DHRS12: variants seen among roughly 807,000 people sequenced by gnomAD.
DHRS12 encodes dehydrogenase/reductase 12.
Under a neutral mutation model 32.1 loss-of-function variants are expected in DHRS12, and 29 were observed. The observed-to-expected ratio is 0.90, with a 90% confidence interval of 0.67 to 1.23. The LOEUF (loss-of-function observed/expected upper bound fraction) is 1.23, where lower values mean the gene tolerates loss of function less well. DHRS12 is among the 50% of genes most tolerant of loss of function. The probability of loss-of-function intolerance (pLI) is 0.00; values close to 1 mark genes in which losing one functional copy is unlikely to be tolerated. For missense variants in DHRS12, 330 were observed against 337.2 expected (o/e 0.98, Z 0.17); for synonymous variants, 150 against 135.9 (o/e 1.10, Z -0.72).
chr13:51,804,029 C>CCCGCGCCCCG (rs763363530), intron 1 of DHRS12, 25 bp downstream of exon 1: 101 of 1,464,816 alleles, frequency 6.9e-5, no homozygotes, highest in Non-Finnish European at 8.8e-5. Context: ...AGCCCGGGGC[C>CCCGCGCCCCG]CCGCGCCCCG....
chr13:51,781,600 C>T (rs1201624556), intron 4 of DHRS12, among the ~76,000 whole-genome samples: 2 of 152,024 alleles, frequency 1.3e-5, no homozygotes, highest in Admixed American at 6.5e-5. Context: ...GACATTTCAG[C>T]TAAGACCTGG....
rs375751203 is a variant in DHRS12 at position 51,791,196 on chromosome 13, T to C, written c.188A>G (p.Asn63Ser). 6.9e-6 allele frequency: 11 copies of C among 1,583,642 alleles called. No individual in the cohort carries two copies. Among genetic ancestry groups the C allele is most frequent in the Non-Finnish European group, 9.5e-6 (11 of 1,163,386 alleles). ...DPKQIWKFVE[N>S]FKQEHKLHVL... ...ATGGAGTTTATGTTCCTGCTTGAAATTTTCAACAAATTTCCAGATTTGCTT... is the reference window on the plus strand; with the variant it reads ...ATGGAGTTTATGTTCCTGCTTGAAACTTTCAACAAATTTCCAGATTTGCTT... Residue 63 changes from asparagine (N) to serine (S), a missense_variant, in exon 3 of 9, where the codon AAT (asparagine) becomes AGT (serine). Asn to Ser is a conservative substitution (Grantham distance 46). Coordinates refer to ENST00000444610, the MANE Select transcript of DHRS12 (RefSeq NM_001377533.1).
intron 5 of DHRS12, chr13:51,775,936 C>CTCTACAGTATTCTCCTACATGTAT (rs1954337242): frequency 7.3e-5 from 3 of 41,364 alleles, no homozygotes; most frequent in African/African-American, 3.2e-4. Context: ...CCTACATGTA[C>CTCTACAGTATTCTCCTACATGTAT]TCTACAGTAT....
rs1445601659 is a variant in DHRS12, at chr13:51,782,816, GT to G, written c.302-5696del. Among the ~76,000 whole-genome samples, 2 of 152,184 alleles carry G rather than the reference GT, an allele frequency of 1.3e-5. No homozygotes were observed. Among genetic ancestry groups the G allele is most frequent in the African/African-American group, 4.8e-5 (2 of 41,436 alleles). The stretch of plus-strand genomic sequence containing the variant: ...GACAAAGGTGCTTATTTGGGATTGT[GT>G]TTCTAAAACTCCTCAAATGAATGTT... On this transcript the variant is annotated intron_variant, in intron 4 of 8. Transcript: ENST00000444610. The surrounding 1 kb of genome is among the most constrained non-coding windows in gnomAD (Gnocchi z 4.2).
intron 8 of DHRS12, 74 bp downstream of exon 8, chr13:51,769,082 A>G (rs1374423099): frequency 2.6e-6 from 4 of 1,543,170 alleles, no homozygotes; most frequent in Non-Finnish European, 3.5e-6. Context: ...CACGGAGGGG[A>G]AGGTGCGCCT....
At chr13:51,772,048 C>G in intron 6 of DHRS12, 137 bp from the exon 7 acceptor site, 1 of 776,702 alleles carries the variant, frequency 1.3e-6, no homozygotes, top group East Asian at 2.7e-5. Flanking sequence ...TGTCACCCTC[C>G]TCCAAAATCA....
intron 2 of DHRS12, chr13:51,797,913 T>G: frequency 6.5e-7 from 1 of 1,535,806 alleles, no homozygotes. Flanking sequence ...TGCCACCTGG[T>G]GGAATTCAAT....
chr13:51,803,061 C>T (rs943603878), intron 1 of DHRS12, among the ~76,000 whole-genome samples: 1 of 152,236 alleles, frequency 6.6e-6, no homozygotes, highest in African/African-American at 2.4e-5. Context: ...CCCCTAAAAA[C>T]TGTGGGACAG....
At chr13:51,791,128 C>G (rs370489265) in intron 3 of DHRS12, 37 bp downstream of exon 3, 79 of 1,417,132 alleles carry the variant, frequency 5.6e-5, no homozygotes, top group Middle Eastern at 1.8e-4. Flanking sequence ...AATGGGCCAA[C>G]ATGAATTTAT....
chr13:51,776,881 C>T (rs538070365), intron 5 of DHRS12, among the ~76,000 whole-genome samples, 179 bp downstream of exon 5: 3 of 152,256 alleles, frequency 2.0e-5, no homozygotes, highest in Admixed American at 1.3e-4. Flanking sequence ...GGGCTGGGGT[C>T]TGAATGTGCT....
At chr13:51,783,707 C>A (rs1034343745) in intron 4 of DHRS12, among the ~76,000 whole-genome samples, 8 of 152,150 alleles carry the variant, frequency 5.3e-5, no homozygotes, top group African/African-American at 1.9e-4. Flanking sequence ...CTCTTCTTAG[C>A]CCCCTAGGTT....
the DHRS12 span, chr13:51,755,508 C>G: frequency 7.4e-5 from 115 of 1,562,648 alleles, no homozygotes; most frequent in Non-Finnish European, 9.2e-5. Flanking sequence ...GGAAATAGCT[C>G]AACCATGTGA....
the DHRS12 span, chr13:51,759,752 A>T: frequency 9.9e-6 from 16 of 1,613,818 alleles, no homozygotes; most frequent in African/African-American, 1.9e-4. Context: ...GTGGGATATG[A>T]CCCCAGTCGT....
At chr13:51,778,208 G>A (rs536932388) in intron 4 of DHRS12, among the ~76,000 whole-genome samples, 1 of 152,344 alleles carries the variant, frequency 6.6e-6, no homozygotes, top group East Asian at 1.9e-4. Context: ...TAGCTGGCCA[G>A]CCCACCTCAC....
At chr13:51,764,575 ATGC>A (rs1953688530), downstream of DHRS12, 1 of 152,472 alleles carries the variant, frequency 6.6e-6, no homozygotes, top group African/African-American at 2.4e-5. Context: ...TCACTATCAG[ATGC>A]TGCTGCTCCC....
chr13:51,778,766 G>A (rs935860410), intron 4 of DHRS12, among the ~76,000 whole-genome samples: 1 of 151,986 alleles, frequency 6.6e-6, no homozygotes, highest in Non-Finnish European at 1.5e-5. Flanking sequence ...CAGGAGGGCT[G>A]GCTGGGTCGC....
At chr13:51,762,516 G>A in the DHRS12 span, 2 of 152,346 alleles carry the variant, frequency 1.3e-5, no homozygotes, top group South Asian at 4.1e-4. Flanking sequence ...CAAACCAACT[G>A]TGTGTTTGTA....
At chr13:51,780,034 G>A (rs971237751) in intron 4 of DHRS12, among the ~76,000 whole-genome samples, 10 of 151,972 alleles carry the variant, frequency 6.6e-5, no homozygotes, top group Non-Finnish European at 1.0e-4. Flanking sequence ...AAAATTAGTC[G>A]GGCATGGTGG....
intron 8 of DHRS12, chr13:51,768,567 C>T (rs779257061): frequency 3.3e-4 from 433 of 1,322,212 alleles, no homozygotes; most frequent in Non-Finnish European, 4.0e-4. Context: ...GCCATCCTCC[C>T]GGATACCCCA....
Sources: gnomAD v4.1 joint callset for allele counts (sites outside exome capture counted in the v4.1 genomes callset) on GRCh38, gnomAD v4.1.1 for gene constraint, Gnocchi (gnomAD v3.1) non-coding constraint, MANE v1.5 for transcripts, NCBI Gene and HGNC (gene_info 2026-07-23, HGNC 2026-07-21) for gene names.